Variants in OR4K1 observed in about 807,000 individuals in gnomAD.
OR4K1 encodes olfactory receptor 4K1.
OR4K1 carries 16 observed loss-of-function variants against 14.4 expected under a neutral mutation model. That is an observed-to-expected ratio of 1.11 (90% CI 0.75 to 1.68). OR4K1 has a LOEUF of 1.68. Among genes scored for constraint, OR4K1 ranks in the 40% most tolerant of loss-of-function variants. The pLI is 0.00. For missense variants in OR4K1, 548 were observed against 376.9 expected (o/e 1.45, Z -3.76); for synonymous variants, 181 against 133.1 (o/e 1.36, Z -2.48).
chr14:19,927,545 C>A (rs1021677478), upstream of OR4K1, among the ~76,000 whole-genome samples: 1 of 152,134 alleles, frequency 6.6e-6, no homozygotes, highest in Admixed American at 6.6e-5. Context: ...TTGTACTTTA[C>A]AACAATGCCT....
rs1303105072 is a variant in OR4K1 at position 19,930,919 on chromosome 14, G to A, written c.-246G>A. 1.3e-5 allele frequency: 2 copies of A among 152,410 alleles called. No homozygotes were observed. Among genetic ancestry groups the A allele is most frequent in the African/African-American group, 2.4e-5 (1 of 41,564 alleles). The allele number at this position is 152,410 out of a possible 1,614,324, so 9.4% of individuals were successfully genotyped here. The stretch of plus-strand genomic sequence containing the variant: ...TTGTAATTGCTCGGTTGAGTGCAAG[G>A]TGATCAGAGCCCTCACTACATCAGG... On this transcript the variant is annotated 5_prime_UTR_variant, in exon 1 of 2. It adds an upstream start codon to the 5' untranslated region. Coordinates refer to ENST00000641172, the MANE Select transcript of OR4K1 (RefSeq NM_001004063.3).
At position 19,936,577 on chromosome 14, in the gene OR4K1, G is replaced by A. The variant is rs2792146; in HGVS notation, c.911G>A (p.Arg304His). 647,055 of 1,548,156 alleles carry A rather than the reference G, an allele frequency of 0.42. 83,924 individuals carry two copies. Among genetic ancestry groups the A allele is most frequent in the East Asian group, 0.6 (26,695 of 44,264 alleles). The stretch of plus-strand genomic sequence containing the variant: ...GCAGCCATGTGGAAGCTGAGAAACC[G>A]TCATGTGAACTCCTGGAAAAACTAG... Reference protein sequence around the residue: ...VKAAMWKLRNRHVNSWKN With the variant: ...VKAAMWKLRNHHVNSWKN The change falls in exon 2 of 2, where the codon CGT becomes CAT. Residue 304 changes from arginine to histidine, a missense_variant. Coordinates refer to ENST00000641172, the MANE Select transcript of OR4K1 (RefSeq NM_001004063.3).
the OR4K1 span, among the ~76,000 whole-genome samples, chr14:19,920,392 A>G: frequency 6.6e-6 from 1 of 152,316 alleles, no homozygotes; most frequent in South Asian, 2.1e-4. Flanking sequence ...TTAAATTATT[A>G]AGCATTATTT....
In OR4K1 at chr14:19,931,013, CAA is replaced by C. The variant is rs1429990936; in HGVS notation, c.-151_-150del. On this transcript the variant is annotated 5_prime_UTR_variant, in exon 1 of 2. The change creates a premature stop within an existing upstream ORF in the 5' untranslated region. Coordinates refer to ENST00000641172, the MANE Select transcript of OR4K1 (RefSeq NM_001004063.3). The stretch of plus-strand genomic sequence containing the variant: ...TGTAGGGAACCAAGTTAAAATGCAT[CAA>C]GTTAAGATTATATTACAAATATTTT... The C allele has an allele frequency of 6.6e-6, 1 of 152,142 alleles. No individual in the cohort carries two copies. The highest frequency in any genetic ancestry group is 2.4e-5 in the African/African-American group (1 of 41,424). 9.4% of individuals were successfully genotyped at this position (152,142 alleles called of 1,614,324 possible). A position where few individuals can be genotyped will look rare whatever the true frequency, so the allele number is the denominator to read the frequency against.
Position 19,936,031 on chromosome 14 carries a change from G to A in OR4K1, c.365G>A (p.Arg122Lys), listed in dbSNP as rs780258802. The change falls in exon 2 of 2, where the codon AGA (arginine) becomes AAA (lysine). Residue 122 changes from arginine (R) to lysine (K), a missense_variant. By Grantham distance (26) the Arg-to-Lys change is conservative (BLOSUM62 2). Transcript: ENST00000641172. ...TTGCTTGTAGCTATGGCATATGACA[G>A]ATTTATAGCCATATGTAAGCCTCTG... is the stretch of plus-strand genomic sequence containing the variant. Reference protein sequence around the residue: ...MMLLVAMAYDRFIAICKPLHY... With the variant: ...MMLLVAMAYDKFIAICKPLHY... 1 of 1,614,268 alleles carries A rather than the reference G, an allele frequency of 6.2e-7. No individual in the cohort carries two copies. Among genetic ancestry groups the A allele is most frequent in the South Asian group, 1.1e-5 (1 of 91,088 alleles).
chr14:19,929,035 T>C (rs1287225131), upstream of OR4K1, among the ~76,000 whole-genome samples: 1 of 151,520 alleles, frequency 6.6e-6, no homozygotes, highest in Non-Finnish European at 1.5e-5. Flanking sequence ...ATGGCTTCTT[T>C]AACATCATGC....
intron 1 of OR4K1, among the ~76,000 whole-genome samples, chr14:19,934,956 A>T (rs61111417): frequency 9.9e-3 from 1,499 of 152,026 alleles, no homozygotes; most frequent in African/African-American, 0.032. Context: ...TACAGGCATG[A>T]CCCACCGTGC....
At chr14:19,924,899 G>A in the OR4K1 span, among the ~76,000 whole-genome samples, 10 of 152,122 alleles carry the variant, frequency 6.6e-5, no homozygotes, top group South Asian at 2.1e-4. Context: ...ATCGTATTTC[G>A]GTTAGGATTG....
the OR4K1 span, among the ~76,000 whole-genome samples, chr14:19,922,055 T>C: frequency 1.4e-5 from 2 of 145,434 alleles, no homozygotes; most frequent in East Asian, 3.9e-4. Context: ...GTGGAGATTA[T>C]TAGGTTATGA....
chr14:19,936,332 G>C lies in OR4K1; in HGVS notation c.666G>C (p.Leu222Phe), dbSNP rs761812659. ...LALIISYTII[L>F]IGVRCRSSSG... Reference sequence around the variant, plus strand: ...TAATTATTTCCTACACCATCATTTTGATCGGTGTCCGATGCAGGTCCTCCA... The same window carrying C: ...TAATTATTTCCTACACCATCATTTTCATCGGTGTCCGATGCAGGTCCTCCA... Residue 222 changes from leucine to phenylalanine, a missense_variant, in exon 2 of 2, where the codon TTG (leucine) becomes TTC (phenylalanine). By Grantham distance (22) the Leu-to-Phe change is conservative. Coordinates refer to ENST00000641172, the MANE Select transcript of OR4K1 (RefSeq NM_001004063.3). The C allele has an allele frequency of 6.2e-7, 1 of 1,614,070 alleles. No homozygotes were observed. The highest frequency in any genetic ancestry group is 1.3e-5 in the African/African-American group (1 of 74,928).
intron 1 of OR4K1, among the ~76,000 whole-genome samples, chr14:19,932,719 A>G (rs1470441732): frequency 3.9e-5 from 6 of 152,196 alleles, no homozygotes; most frequent in Admixed American, 3.3e-4. Flanking sequence ...ACTTAGCCTA[A>G]GCTTCTCTGT....
At chr14:19,931,225 G>A (rs1372780748) in intron 1 of OR4K1, 80 bp downstream of exon 1, 3 of 152,266 alleles carry the variant, frequency 2.0e-5, no homozygotes, top group Non-Finnish European at 4.4e-5. Context: ...TGCAAAAACA[G>A]CAACTAGAAG....
the OR4K1 span, among the ~76,000 whole-genome samples, chr14:19,922,059 G>C: frequency 1.4e-5 from 2 of 140,194 alleles, no homozygotes; most frequent in Admixed American, 7.3e-5. Context: ...AGATTATTAG[G>C]TTATGAGACT....
chr14:19,929,391 G>C (rs1480013819), upstream of OR4K1, among the ~76,000 whole-genome samples: 1 of 149,792 alleles, frequency 6.7e-6, no homozygotes, highest in African/African-American at 2.5e-5. Flanking sequence ...GTGTGTGTGT[G>C]TGTGTGTGTG....
rs1335492669 is a variant in OR4K1, at chr14:19,930,944, G to T, written c.-221G>T. 1 of 151,500 alleles carries T rather than the reference G, an allele frequency of 6.6e-6. No individual in the cohort carries two copies. Among genetic ancestry groups the T allele is most frequent in the African/African-American group, 2.4e-5 (1 of 40,856 alleles). 9.4% of individuals were successfully genotyped at this position (151,500 alleles called of 1,614,324 possible). A position where few individuals can be genotyped will look rare whatever the true frequency, so the allele number is the denominator to read the frequency against. ...GTGATCAGAGCCCTCACTACATCAG[G>T]ACAGGACCTGAGGACCTGAGAGGCT... On this transcript the variant is annotated 5_prime_UTR_variant, in exon 1 of 2. Coordinates refer to ENST00000641172, the MANE Select transcript of OR4K1 (RefSeq NM_001004063.3).
At chr14:19,924,232 C>T in the OR4K1 span, among the ~76,000 whole-genome samples, 1 of 152,196 alleles carries the variant, frequency 6.6e-6, no homozygotes, top group African/African-American at 2.4e-5. Flanking sequence ...GAAAACCCCT[C>T]TCTACTAAAA....
rs769564787 is a variant in OR4K1 at position 19,935,891 on chromosome 14, C to T, written c.225C>T (p.Asn75=). Residue 75 remains asparagine (N), a synonymous_variant, in exon 2 of 2, where the codon AAC becomes AAT. Coordinates refer to ENST00000641172, the MANE Select transcript of OR4K1 (RefSeq NM_001004063.3). ...NLSFIDICQS[N]FATPKMLVDF... The stretch of plus-strand genomic sequence containing the variant: ...CTTTCATTGATATCTGTCAGTCTAA[C>T]TTTGCCACCCCCAAGATGCTTGTAG... The T allele has an allele frequency of 6.2e-7, 1 of 1,614,152 alleles. No homozygotes were observed. Among genetic ancestry groups the T allele is most frequent in the African/African-American group, 1.3e-5 (1 of 74,956 alleles).
the OR4K1 span, chr14:19,920,991 C>T: frequency 6.2e-7 from 1 of 1,614,154 alleles, no homozygotes; most frequent in South Asian, 1.1e-5. Flanking sequence ...CATATGCAAA[C>T]CCTTATACTA....
In OR4K1 at chr14:19,936,041, C is replaced by T; in HGVS notation, c.375C>T (p.Ala125=). 1 of 1,614,242 alleles carries T rather than the reference C, an allele frequency of 6.2e-7. No homozygotes were observed. The highest frequency in any genetic ancestry group is 8.5e-7 in the Non-Finnish European group (1 of 1,180,048). The part of the protein sequence containing the change: ...LVAMAYDRFI[A]ICKPLHYSTI... ...CTATGGCATATGACAGATTTATAGC[C>T]ATATGTAAGCCTCTGCACTACAGTA... The change falls in exon 2 of 2, where the codon GCC becomes GCT. Residue 125 remains alanine (A), a synonymous_variant. Transcript: ENST00000641172.
Sources: allele counts gnomAD v4.1 joint callset (sites outside exome capture counted in the v4.1 genomes callset), GRCh38; gene constraint gnomAD v4.1.1; transcripts MANE v1.5; gene names NCBI Gene and HGNC (gene_info 2026-07-23, HGNC 2026-07-21).